Variants in RNF216 observed in about 807,000 individuals in gnomAD.
RNF216 encodes E3 ubiquitin-protein ligase RNF216.
RNF216 carries 72 observed loss-of-function variants against 110.8 expected under a neutral mutation model. That is an observed-to-expected ratio of 0.65 (90% CI 0.54 to 0.79). The LOEUF (loss-of-function observed/expected upper bound fraction) is 0.79. Ranked by LOEUF, RNF216 falls within the 30% of genes least tolerant of loss-of-function variation. RNF216 has a pLI of 0.00. For missense variants in RNF216, 1,342 were observed against 1,141.2 expected, an observed-to-expected ratio of 1.18 and a Z score of -2.54; for synonymous variants, 495 against 407.5, an observed-to-expected ratio of 1.21 and a Z score of -2.59.
At chr7:5,743,529 C>T (rs1318061735) in intron 3 of RNF216, among the ~76,000 whole-genome samples, 1 of 152,146 alleles carries the variant, frequency 6.6e-6, no homozygotes, top group African/African-American at 2.4e-5. Flanking sequence ...GGAAGCTTCA[C>T]TAAGAAATGC....
intron 13 of RNF216, among the ~76,000 whole-genome samples, chr7:5,679,619 C>A (rs995467055): frequency 6.6e-6 from 1 of 152,140 alleles, no homozygotes; most frequent in African/African-American, 2.4e-5. Flanking sequence ...TAGCTCCAGG[C>A]GCTATGACAA....
intron 13 of RNF216, among the ~76,000 whole-genome samples, chr7:5,708,157 A>G (rs1792420771): frequency 6.6e-6 from 1 of 152,218 alleles, no homozygotes; most frequent in Admixed American, 6.5e-5. Context: ...TTATGATCTA[A>G]TATTCTCCAT....
intron 3 of RNF216, among the ~76,000 whole-genome samples, chr7:5,744,089 CA>C (rs1320559103): frequency 6.6e-6 from 1 of 152,152 alleles, no homozygotes; most frequent in African/African-American, 2.4e-5. Context: ...GGGTTTCACA[CA>C]GTGAAATTAA....
chr7:5,776,917 AGAG>A (rs1326720840), intron 1 of RNF216, among the ~76,000 whole-genome samples: 12 of 138,986 alleles, frequency 8.6e-5, no homozygotes, highest in African/African-American at 1.8e-4. Flanking sequence ...AAAAAAAAAA[AGAG>A]AGAGAGAAAA....
At chr7:5,660,405 C>T (rs1167912755) in intron 13 of RNF216, among the ~76,000 whole-genome samples, 1 of 147,420 alleles carries the variant, frequency 6.8e-6, no homozygotes, top group African/African-American at 2.5e-5. Context: ...GATTCTCCCA[C>T]CTCAGCCTCT....
At chr7:5,706,472 C>T (rs1043432810) in intron 13 of RNF216, among the ~76,000 whole-genome samples, 2 of 152,154 alleles carry the variant, frequency 1.3e-5, no homozygotes, top group East Asian at 1.9e-4. Context: ...TAAGTGGAAT[C>T]GTGCAGTATC....
At chr7:5,708,389 A>G (rs928720039) in intron 13 of RNF216, among the ~76,000 whole-genome samples, 1 of 152,160 alleles carries the variant, frequency 6.6e-6, no homozygotes, top group African/African-American at 2.4e-5. Flanking sequence ...TTTGCTTCAC[A>G]TATTTGGGTG....
intron 15 of RNF216, among the ~76,000 whole-genome samples, chr7:5,636,847 ACAAGG>A (rs1197515505): frequency 1.3e-5 from 2 of 152,342 alleles, no homozygotes; most frequent in Admixed American, 1.3e-4. Context: ...CAAGAAAACA[ACAAGG>A]CAGTGCATGC....
intron 9 of RNF216, among the ~76,000 whole-genome samples, chr7:5,718,004 G>A (rs1793171640): frequency 6.6e-6 from 1 of 152,038 alleles, no homozygotes; most frequent in Non-Finnish European, 1.5e-5. Context: ...AGAAAGACGG[G>A]TAAATAAAAA....
intron 9 of RNF216, among the ~76,000 whole-genome samples, chr7:5,717,152 G>A (rs1467508767): frequency 6.6e-6 from 1 of 152,124 alleles, no homozygotes; most frequent in South Asian, 2.1e-4. Flanking sequence ...TCAGGAGTTC[G>A]AGACCAGCCT....
At chr7:5,661,965 C>G (rs1175140619) in intron 13 of RNF216, among the ~76,000 whole-genome samples, 1 of 152,228 alleles carries the variant, frequency 6.6e-6, no homozygotes, top group East Asian at 1.9e-4. Flanking sequence ...CTAGCGAAAG[C>G]AGGTCACTGT....
In RNF216 at chr7:5,741,363, T is replaced by C. The variant is rs750631695; in HGVS notation, c.654A>G (p.Leu218=). 6.8e-6 allele frequency: 11 copies of C among 1,614,112 alleles called. No homozygotes were observed. Among genetic ancestry groups the C allele is most frequent in the South Asian group, 3.3e-5 (3 of 91,092 alleles). The change falls in exon 4 of 17, where the codon CTA becomes CTG. Residue 218 remains leucine (L), a synonymous_variant. Transcript: ENST00000389902. ...LLSNLGESAA[L]ADDQAIEEDC... ...CTTCTTCGATGGCCTGATCATCTGC[T>C]AGAGCAGCTGACTCTCCTAGATTTG...
intron 13 of RNF216, among the ~76,000 whole-genome samples, chr7:5,676,725 G>A (rs747386567): frequency 4.6e-5 from 7 of 152,178 alleles, no homozygotes; most frequent in South Asian, 2.1e-4. Flanking sequence ...TGGCATTTCC[G>A]GCCTAACAAC....
intron 13 of RNF216, among the ~76,000 whole-genome samples, chr7:5,674,007 G>A (rs1262686413): frequency 1.3e-5 from 2 of 150,942 alleles, no homozygotes; most frequent in Non-Finnish European, 3.0e-5. Flanking sequence ...TTACAGGTGT[G>A]CACCACCATG....
chr7:5,720,296 C>T (rs77901409), intron 9 of RNF216, among the ~76,000 whole-genome samples: 3 of 152,282 alleles, frequency 2.0e-5, no homozygotes, highest in African/African-American at 7.2e-5. Context: ...AACGTGAAGA[C>T]CATGAAGATA....
intron 14 of RNF216, among the ~76,000 whole-genome samples, chr7:5,652,119 A>C (rs1215161026): frequency 6.6e-6 from 1 of 152,174 alleles, no homozygotes; most frequent in East Asian, 1.9e-4. Context: ...GTGCAGTCTA[A>C]GTTAATTAAA....
intron 2 of RNF216, among the ~76,000 whole-genome samples, chr7:5,758,582 G>T (rs894283130): frequency 7.2e-5 from 11 of 152,186 alleles, no homozygotes; most frequent in African/African-American, 2.7e-4. Flanking sequence ...TGCCATGAAT[G>T]TGAGATGTGG....
intron 14 of RNF216, among the ~76,000 whole-genome samples, chr7:5,651,388 T>G (rs1250239987): frequency 6.6e-6 from 1 of 151,716 alleles, no homozygotes; most frequent in Non-Finnish European, 1.5e-5. Context: ...CCACCACTCC[T>G]GGATAATTTT....
At chr7:5,729,330 T>C in intron 7 of RNF216, 102 bp downstream of exon 7, 1 of 1,150,358 alleles carries the variant, frequency 8.7e-7, no homozygotes, top group South Asian at 1.4e-5. Context: ...TCCTTAGCAA[T>C]CATAAACCAT....
Sources: gnomAD v4.1 joint callset for allele counts (sites outside exome capture counted in the v4.1 genomes callset) on GRCh38, gnomAD v4.1.1 for gene constraint, MANE v1.5 for transcripts, NCBI Gene and HGNC (gene_info 2026-07-23, HGNC 2026-07-21) for gene names.